Variants in SHOC1 observed in about 807,000 individuals in gnomAD.
The protein encoded by SHOC1 is shortage in chiasmata 1, also known as protein shortage in chiasmata 1 ortholog.
In SHOC1, 136 loss-of-function variants were observed where a neutral mutation model predicts 179.2. The ratio of observed to expected loss-of-function variants is 0.76; its 90% CI spans 0.66 to 0.87. The LOEUF (loss-of-function observed/expected upper bound fraction) is 0.87. Among genes scored for constraint, SHOC1 ranks in the 40% least tolerant of loss-of-function variants. SHOC1 has a pLI of 0.00. For missense variants in SHOC1, 1,538 were observed against 1,700.8 expected, an observed-to-expected ratio of 0.90 and a Z score of 1.68; for synonymous variants, 489 against 586.6, an observed-to-expected ratio of 0.83 and a Z score of 2.41.
At chr9:111,741,139 T>A (rs541952954) in intron 11 of SHOC1, among the ~76,000 whole-genome samples, 37 of 152,296 alleles carry the variant, frequency 2.4e-4, no homozygotes, top group Admixed American at 9.2e-4. Context: ...GATGAGATTT[T>A]TTTTTATTTT....
intron 7 of SHOC1, among the ~76,000 whole-genome samples, chr9:111,757,243 C>T (rs1834906738): frequency 6.6e-6 from 1 of 152,082 alleles, no homozygotes; most frequent in Admixed American, 6.5e-5. Context: ...GCTGGGACTA[C>T]AGGCGCCCAC....
chr9:111,704,190 G>C (rs1022203147), intron 21 of SHOC1, among the ~76,000 whole-genome samples, 198 bp from the exon 22 acceptor site: 1 of 152,156 alleles, frequency 6.6e-6, no homozygotes, highest in African/African-American at 2.4e-5. Flanking sequence ...GCTGAGATGT[G>C]TGTTGCCTTA....
At position 111,722,422 on chromosome 9, in the gene SHOC1, A is replaced by C. The variant is rs756343276; in HGVS notation, c.2118T>G (p.Asp706Glu). 4.4e-6 allele frequency: 7 copies of C among 1,598,332 alleles called. No individual in the cohort carries two copies. Among genetic ancestry groups the C allele is most frequent in the Non-Finnish European group, 5.9e-6 (7 of 1,176,652 alleles). The change falls in exon 15 of 28, where the codon GAT becomes GAG. Residue 706 changes from aspartate to glutamate, a missense_variant. Asp to Glu is a conservative substitution (Grantham distance 45). Coordinates refer to ENST00000682961, the MANE Select transcript of SHOC1 (RefSeq NM_001378211.1). Reference protein sequence around the residue: ...LLKEQEKVVSDAVRQGTIDER... With the variant: ...LLKEQEKVVSEAVRQGTIDER... ...ATTTGTACTCACCTTGGCGAACAGCATCACTTACTACTTTTTCTTGTTCCT... is the reference window on the plus strand; with the variant it reads ...ATTTGTACTCACCTTGGCGAACAGCCTCACTTACTACTTTTTCTTGTTCCT...
At chr9:111,711,014 A>T (rs1832519027) in intron 18 of SHOC1, among the ~76,000 whole-genome samples, 1 of 152,168 alleles carries the variant, frequency 6.6e-6, no homozygotes, top group South Asian at 2.1e-4. Context: ...CTTAAACATT[A>T]AGGAAAAGAG....
intron 17 of SHOC1, among the ~76,000 whole-genome samples, chr9:111,713,802 G>C (rs1832660103): frequency 6.6e-6 from 1 of 152,122 alleles, no homozygotes; most frequent in Admixed American, 6.5e-5. Flanking sequence ...TTATATGCTT[G>C]ATGTAGGGTA....
chr9:111,782,714 T>TAAAAA (rs36046676), intron 3 of SHOC1, among the ~76,000 whole-genome samples: 2 of 147,032 alleles, frequency 1.4e-5, no homozygotes, highest in Non-Finnish European at 3.0e-5. Context: ...AGATGAGGTC[T>TAAAAA]AAAAAAAAAA....
chr9:111,731,972 C>A (rs77432373), intron 12 of SHOC1, among the ~76,000 whole-genome samples: 2,012 of 151,638 alleles, frequency 0.013, 55 homozygotes, highest in African/African-American at 0.046. Flanking sequence ...AAGTGAAGTA[C>A]AATAAAATGA....
At chr9:111,752,111 T>C (rs531007456) in intron 8 of SHOC1, among the ~76,000 whole-genome samples, 55 of 152,298 alleles carry the variant, frequency 3.6e-4, no homozygotes, top group African/African-American at 1.3e-3. Context: ...GGATGACATA[T>C]TTCGTACTAG....
chr9:111,697,591 T>C (rs1453088585), intron 24 of SHOC1, among the ~76,000 whole-genome samples: 2 of 152,224 alleles, frequency 1.3e-5, no homozygotes, highest in Admixed American at 6.5e-5. Context: ...CAGTCTATCA[T>C]TGATGGACAT....
At chr9:111,781,591 T>C (rs1371501439) in intron 3 of SHOC1, among the ~76,000 whole-genome samples, 1 of 151,588 alleles carries the variant, frequency 6.6e-6, no homozygotes, top group Non-Finnish European at 1.5e-5. Flanking sequence ...GGCATGGTAG[T>C]GCATGCCTCT....
intron 19 of SHOC1, among the ~76,000 whole-genome samples, chr9:111,707,375 T>C (rs1026844571): frequency 7.2e-5 from 9 of 124,924 alleles, no homozygotes; most frequent in African/African-American, 2.4e-4. Context: ...TTTTTAAAAT[T>C]ATTTGGATCC....
intron 5 of SHOC1, among the ~76,000 whole-genome samples, chr9:111,771,346 A>G (rs140378946): frequency 1.3e-5 from 2 of 150,906 alleles, no homozygotes; most frequent in African/African-American, 4.9e-5. Flanking sequence ...ACATATTTTT[A>G]TATTACATCT....
Position 111,706,748 on chromosome 9 carries a change from T to C in SHOC1, c.2559-2A>G. ...TGTACAACTACACAGGAACTTGTAC[T>C]AAAGACAAAAGAGAGCCAAGAAAAT... On this transcript the variant is annotated splice_acceptor_variant, in intron 19 of 27. Transcript: ENST00000682961. LOFTEE classifies it high-confidence loss of function. 6.4e-7 allele frequency: 1 copy of C among 1,568,358 alleles called. No individual in the cohort carries two copies. The highest frequency in any genetic ancestry group is 1.9e-5 in the Admixed American group (1 of 52,460).
intron 5 of SHOC1, among the ~76,000 whole-genome samples, chr9:111,770,946 G>A (rs1347886408): frequency 1.3e-5 from 2 of 152,026 alleles, no homozygotes; most frequent in African/African-American, 4.8e-5. Context: ...ATATAGTTTG[G>A]TCTTGCTTTT....
chr9:111,729,719 C>T (rs1833477809), intron 12 of SHOC1, among the ~76,000 whole-genome samples: 1 of 151,978 alleles, frequency 6.6e-6, no homozygotes, highest in Non-Finnish European at 1.5e-5. Flanking sequence ...ATGGTGAAAC[C>T]CATCTCTACT....
chr9:111,693,688 C>T, intron 26 of SHOC1, 111 bp downstream of exon 26: 1 of 620,036 alleles, frequency 1.6e-6, no homozygotes, highest in Non-Finnish European at 2.6e-6. Flanking sequence ...TATTTGAAGT[C>T]CAAAACAATT....
At chr9:111,784,222 C>T (rs1246831593) in intron 3 of SHOC1, among the ~76,000 whole-genome samples, 2 of 152,268 alleles carry the variant, frequency 1.3e-5, no homozygotes, top group African/African-American at 2.4e-5. Flanking sequence ...AATAATCTGG[C>T]CGAAGCACAG....
chr9:111,698,787 T>C (rs1831827642), intron 24 of SHOC1, among the ~76,000 whole-genome samples: 1 of 152,110 alleles, frequency 6.6e-6, no homozygotes. Context: ...GGTGACAGTA[T>C]GGAGGCATAC....
At chr9:111,731,389 ACTC>A (rs1833561292) in intron 12 of SHOC1, among the ~76,000 whole-genome samples, 1 of 151,582 alleles carries the variant, frequency 6.6e-6, no homozygotes, top group Non-Finnish European at 1.5e-5. Flanking sequence ...GAGTTGTGCA[ACTC>A]CTCCTTTCAC....
Sources: gnomAD v4.1 joint callset for allele counts (sites outside exome capture counted in the v4.1 genomes callset) on GRCh38, gnomAD v4.1.1 for gene constraint, MANE v1.5 for transcripts, NCBI Gene and HGNC (gene_info 2026-07-23, HGNC 2026-07-21) for gene names.